SMOC2: variants seen among roughly 807,000 people sequenced by gnomAD.
SMOC2 encodes SPARC related modular calcium binding 2.
Under a neutral mutation model 61.4 loss-of-function variants are expected in SMOC2, and 39 were observed. That is an observed-to-expected ratio of 0.64 (90% CI 0.49 to 0.83). The LOEUF is 0.83. SMOC2 is among the 40% of genes least tolerant of loss of function. The probability of loss-of-function intolerance (pLI) is 0.00; values close to 1 mark genes in which losing one functional copy is unlikely to be tolerated. For missense variants in SMOC2, 556 were observed against 592.9 expected (o/e 0.94, Z 0.65); for synonymous variants, 247 against 239.9 (o/e 1.03, Z -0.27).
At chr6:168,570,170 G>T (rs761503578) in intron 7 of SMOC2, among the ~76,000 whole-genome samples, 2 of 152,108 alleles carry the variant, frequency 1.3e-5, no homozygotes, top group Non-Finnish European at 2.9e-5. Context: ...TCTGGAACTG[G>T]GTTAAGGCTG....
At chr6:168,647,988 C>T (rs562735154) in intron 9 of SMOC2, among the ~76,000 whole-genome samples, 10 of 152,206 alleles carry the variant, frequency 6.6e-5, no homozygotes, top group South Asian at 6.2e-4. Flanking sequence ...AGTCATGTTT[C>T]GTGATGAACA....
intron 5 of SMOC2, 88 bp downstream of exon 5, chr6:168,543,760 C>T: frequency 8.0e-7 from 1 of 1,249,128 alleles, no homozygotes. Context: ...TTGAAACATC[C>T]ACTAGTGATG....
In SMOC2 at chr6:168,540,986, A is replaced by T. The variant is rs968669053; in HGVS notation, c.464-2639A>T. Among the ~76,000 whole-genome samples the T allele has an allele frequency of 3.9e-5, 6 of 152,086 alleles. No individual in the cohort carries two copies. In the East Asian group the frequency reaches 1.2e-3, roughly 29 times the overall value. On this transcript the variant is annotated intron_variant, in intron 4 of 12. Coordinates refer to ENST00000356284, the MANE Select transcript of SMOC2 (RefSeq NM_001166412.2). ...GCAAACCACTGCCTCCATCAGCATA[A>T]CACCGTTCCCTCCACTGGGCTGTTC...
At chr6:168,582,485 T>C (rs1049309531) in intron 7 of SMOC2, among the ~76,000 whole-genome samples, 5 of 152,006 alleles carry the variant, frequency 3.3e-5, no homozygotes, top group African/African-American at 1.2e-4. Context: ...GGATTAAAGG[T>C]AGCAAAGGAG....
intron 1 of SMOC2, among the ~76,000 whole-genome samples, chr6:168,462,172 A>G (rs75040555): frequency 0.037 from 5,608 of 152,074 alleles, 161 homozygotes; most frequent in South Asian, 0.13. Flanking sequence ...CTTTTTCATT[A>G]CTGAGTGATT....
At chr6:168,509,891 T>G in intron 1 of SMOC2, 24 bp from the exon 2 acceptor site, 1 of 1,578,994 alleles carries the variant, frequency 6.3e-7, no homozygotes, top group Non-Finnish European at 8.6e-7. Flanking sequence ...TAAATTTGTC[T>G]GGCTTCTTTT....
chr6:168,508,448 G>C (rs1583065767), intron 1 of SMOC2, among the ~76,000 whole-genome samples: 1 of 152,146 alleles, frequency 6.6e-6, no homozygotes, highest in Admixed American at 6.5e-5. Flanking sequence ...AGCCAGCCTT[G>C]CCGAGTTAGC....
intron 9 of SMOC2, among the ~76,000 whole-genome samples, chr6:168,646,895 A>G (rs1787046296): frequency 6.6e-6 from 1 of 152,130 alleles, no homozygotes; most frequent in African/African-American, 2.4e-5. Context: ...GGGCTAAGCT[A>G]CTCCCTTCAT....
chr6:168,494,914 C>T (rs539137378), intron 1 of SMOC2, among the ~76,000 whole-genome samples: 2 of 152,324 alleles, frequency 1.3e-5, no homozygotes, highest in Admixed American at 6.5e-5. Flanking sequence ...CCTCCCTCTG[C>T]CTGCAGTTCC....
intron 4 of SMOC2, among the ~76,000 whole-genome samples, chr6:168,537,041 G>A (rs557520685): frequency 7.2e-5 from 11 of 152,370 alleles, no homozygotes; most frequent in South Asian, 2.1e-4. Context: ...AGACAAGCCC[G>A]TGGTCACCTC....
In SMOC2 at chr6:168,621,721, TCTCACGC is replaced by T. The variant is rs1562388044; in HGVS notation, c.907+13483_907+13489del. On this transcript the variant is annotated intron_variant, in intron 9 of 12. Transcript: ENST00000356284. ...TTTATAAAACCATCAGATCTCACGA[TCTCACGC>T]GGACTCACTCGCTATCTGGAGAACA... 6.4e-5 allele frequency among the ~76,000 whole-genome samples: 8 copies of T among 125,008 alleles called. No individual in the cohort carries two copies. The East Asian group carries it at 1.2e-3, about 19-fold the overall frequency. The allele number at this position is 125,008 out of a possible 152,430, so 82.0% of individuals were successfully genotyped here.
chr6:168,637,940 G>A (rs926233725), intron 9 of SMOC2, among the ~76,000 whole-genome samples: 1 of 152,136 alleles, frequency 6.6e-6, no homozygotes, highest in African/African-American at 2.4e-5. Context: ...CTGAGCTGGA[G>A]CTGGATGCTG....
intron 11 of SMOC2, among the ~76,000 whole-genome samples, chr6:168,653,613 T>C (rs35474841): frequency 1.1e-5 from 1 of 92,568 alleles, no homozygotes; most frequent in Non-Finnish European, 2.3e-5. Flanking sequence ...CCAACCCTGC[T>C]CCTGAGCTCC....
intron 1 of SMOC2, among the ~76,000 whole-genome samples, chr6:168,491,253 C>T (rs1391810362): frequency 1.3e-5 from 2 of 152,182 alleles, no homozygotes; most frequent in East Asian, 3.8e-4. Flanking sequence ...ATGCAAGAGA[C>T]AGATGATGCT....
chr6:168,564,520 C>T (rs1784500157), intron 7 of SMOC2, among the ~76,000 whole-genome samples: 1 of 152,102 alleles, frequency 6.6e-6, no homozygotes. Flanking sequence ...AGCTAGAAAG[C>T]CTGAAAGGAA....
At chr6:168,534,755 A>G (rs1783694419) in intron 4 of SMOC2, among the ~76,000 whole-genome samples, 1 of 152,130 alleles carries the variant, frequency 6.6e-6, no homozygotes, top group South Asian at 2.1e-4. Flanking sequence ...TTTGGCGGCT[A>G]ATTTGTACTG....
intron 1 of SMOC2, among the ~76,000 whole-genome samples, chr6:168,446,129 A>G (rs1012163380): frequency 2.0e-5 from 3 of 152,232 alleles, no homozygotes; most frequent in East Asian, 1.9e-4. Flanking sequence ...TTGGGAAGCC[A>G]AGGCGGGTGG....
At chr6:168,598,471 C>G (rs1029141937) in intron 7 of SMOC2, among the ~76,000 whole-genome samples, 7 of 152,206 alleles carry the variant, frequency 4.6e-5, no homozygotes, top group Admixed American at 4.6e-4. Context: ...GGTTCTGCCT[C>G]GTCACATTCA....
chr6:168,613,849 C>A (rs866188141), intron 9 of SMOC2, among the ~76,000 whole-genome samples: 2 of 120,482 alleles, frequency 1.7e-5, no homozygotes, highest in Admixed American at 8.0e-5. Flanking sequence ...CTACAGCCAG[C>A]ACAGGGGGCC....
Sources: allele counts gnomAD v4.1 joint callset (sites outside exome capture counted in the v4.1 genomes callset), GRCh38; gene constraint gnomAD v4.1.1; transcripts MANE v1.5; gene names NCBI Gene and HGNC (gene_info 2026-07-23, HGNC 2026-07-21).